CAMK1D: variants seen among roughly 807,000 people sequenced by gnomAD.
The protein encoded by CAMK1D is calcium/calmodulin dependent protein kinase ID.
CAMK1D carries 9 observed loss-of-function variants against 47.7 expected under a neutral mutation model. That is an observed-to-expected ratio of 0.19 (90% CI 0.11 to 0.33). The LOEUF (loss-of-function observed/expected upper bound fraction) is 0.33. Among genes scored for constraint, CAMK1D ranks in the 10% least tolerant of loss-of-function variants. The pLI is 1.00. For missense variants in CAMK1D, 291 were observed against 488.7 expected (o/e 0.60, Z 3.81); for synonymous variants, 184 against 184.9 (o/e 0.99, Z 0.04).
chr10:12,698,382 G>A (rs962546525), intron 3 of CAMK1D, among the ~76,000 whole-genome samples: 4 of 152,054 alleles, frequency 2.6e-5, no homozygotes, highest in Non-Finnish European at 4.4e-5. Flanking sequence ...TTATAACCTC[G>A]TTTTATATAT....
chr10:12,369,654 A>G (rs1208429424), intron 1 of CAMK1D, among the ~76,000 whole-genome samples: 2 of 152,224 alleles, frequency 1.3e-5, no homozygotes, highest in East Asian at 3.9e-4. Context: ...AGTTTTAATA[A>G]TATATTTAAA....
intron 1 of CAMK1D, among the ~76,000 whole-genome samples, chr10:12,524,641 A>G (rs1373173898): frequency 6.6e-6 from 1 of 152,082 alleles, no homozygotes; most frequent in Admixed American, 6.5e-5. Flanking sequence ...CAGGAGGCAG[A>G]GCTTGCAGTG....
intron 1 of CAMK1D, among the ~76,000 whole-genome samples, chr10:12,402,039 GT>G (rs1839245498): frequency 6.6e-6 from 1 of 151,924 alleles, no homozygotes; most frequent in South Asian, 2.1e-4. Context: ...GGAATTACAG[GT>G]GGGTGCAACC....
intron 4 of CAMK1D, 33 bp from the exon 5 acceptor site, chr10:12,769,640 G>A (rs1165834416): frequency 1.2e-6 from 2 of 1,611,856 alleles, no homozygotes; most frequent in Non-Finnish European, 1.7e-6. Context: ...TTTACACGTA[G>A]TTTGTAATGT....
chr10:12,576,724 G>A (rs577933909), intron 2 of CAMK1D, among the ~76,000 whole-genome samples: 3 of 152,308 alleles, frequency 2.0e-5, no homozygotes, highest in South Asian at 2.1e-4. Flanking sequence ...GAGCTCAGGC[G>A]GGAATGCTCA....
At chr10:12,411,332 G>A (rs1425472850) in intron 1 of CAMK1D, among the ~76,000 whole-genome samples, 3 of 152,144 alleles carry the variant, frequency 2.0e-5, no homozygotes, top group Non-Finnish European at 2.9e-5. Flanking sequence ...TCCACCATGC[G>A]GATCCACATT....
intron 3 of CAMK1D, among the ~76,000 whole-genome samples, chr10:12,719,913 C>T (rs1350388768): frequency 2.0e-5 from 3 of 152,158 alleles, no homozygotes; most frequent in East Asian, 1.9e-4. Flanking sequence ...CAATCCAGCT[C>T]GAGTTTTAGC....
chr10:12,755,984 C>T lies in CAMK1D; in HGVS notation c.300-4964C>T, dbSNP rs143259328. ...CTCTTCTCCACTCCCCTGGCCTTGTCGTAGGGCAGCCTTTGTGAATTTCAA... is the reference window on the plus strand; with the variant it reads ...CTCTTCTCCACTCCCCTGGCCTTGTTGTAGGGCAGCCTTTGTGAATTTCAA... On this transcript the variant is annotated intron_variant, in intron 3 of 10. Transcript: ENST00000619168. Among the ~76,000 whole-genome samples the T allele has an allele frequency of 2.6e-4, 39 of 152,280 alleles. No individual in the cohort carries two copies. The East Asian group carries it at 5.8e-3, about 23-fold the overall frequency.
intron 1 of CAMK1D, among the ~76,000 whole-genome samples, chr10:12,428,392 TTCTTTCTCACCAAA>T (rs1330470050): frequency 2.1e-4 from 32 of 152,326 alleles, no homozygotes; most frequent in African/African-American, 7.7e-4. Flanking sequence ...AGACTGTCTA[TTCTTTCTCACCAAA>T]ATTTCTTTTC....
At chr10:12,760,390 T>G (rs2065359) in intron 3 of CAMK1D, among the ~76,000 whole-genome samples, 53,780 of 152,060 alleles carry the variant, frequency 0.35, 10,632 homozygotes, top group Non-Finnish European at 0.45. Flanking sequence ...TCCGAAGGCA[T>G]GCTCCCACCC....
Position 12,805,367 on chromosome 10 carries a change from C to CT in CAMK1D, c.642-8808dup, listed in dbSNP as rs35851814. Among the ~76,000 whole-genome samples, 445 of 128,698 alleles carry CT rather than the reference C, an allele frequency of 3.5e-3. 1 individual carries two copies. The highest frequency in any genetic ancestry group is 0.023 in the Middle Eastern group (6 of 256). The allele number at this position is 128,698 out of a possible 152,430, so 84.4% of individuals were successfully genotyped here. A position where few individuals can be genotyped will look rare whatever the true frequency, so the allele number is the denominator to read the frequency against. ...AATAAGCCATAATATCTTTACATTTCTTTTTTTTTTTTTTTTTTTTAAACA... is the reference window on the plus strand; with the variant it reads ...AATAAGCCATAATATCTTTACATTTCTTTTTTTTTTTTTTTTTTTTTAAACA... On this transcript the variant is annotated intron_variant, in intron 6 of 10. Coordinates refer to ENST00000619168, the MANE Select transcript of CAMK1D (RefSeq NM_153498.4).
rs772425102 is a variant in CAMK1D at position 12,553,193 on chromosome 10, C to T, written c.93-32C>T. The T allele has an allele frequency of 5.0e-6, 8 of 1,613,176 alleles. No individual in the cohort carries two copies. In the South Asian group the frequency reaches 8.8e-5, roughly 18 times the overall value. Reference sequence around the variant, plus strand: ...CCATTGTGAAACTGGACTTCTGCATCTAAGTGTTCTTTTTTCCTTCTTTGT... The same window carrying T: ...CCATTGTGAAACTGGACTTCTGCATTTAAGTGTTCTTTTTTCCTTCTTTGT... On this transcript the variant is annotated intron_variant, in intron 1 of 10. Transcript: ENST00000619168.
intron 2 of CAMK1D, among the ~76,000 whole-genome samples, chr10:12,606,072 C>G (rs1005173435): frequency 6.6e-6 from 1 of 152,260 alleles, no homozygotes; most frequent in Non-Finnish European, 1.5e-5. Flanking sequence ...ACTGCAAGCC[C>G]CTTCCTCATG....
chr10:12,551,648 G>C (rs552396519), intron 1 of CAMK1D, among the ~76,000 whole-genome samples: 5 of 152,262 alleles, frequency 3.3e-5, no homozygotes, highest in Admixed American at 6.5e-5. Flanking sequence ...TGAGTCAGGA[G>C]AATCGCTTGA....
chr10:12,641,419 C>T (rs1202280834), intron 2 of CAMK1D, among the ~76,000 whole-genome samples: 2 of 152,056 alleles, frequency 1.3e-5, no homozygotes, highest in South Asian at 2.1e-4. Flanking sequence ...CCCAGGAATT[C>T]GAGACCACTC....
At chr10:12,513,081 G>A (rs747102983) in intron 1 of CAMK1D, among the ~76,000 whole-genome samples, 53 of 152,302 alleles carry the variant, frequency 3.5e-4, no homozygotes, top group Admixed American at 8.5e-4. Context: ...AAGGGGATCC[G>A]TCTTTGTCAT....
chr10:12,536,884 G>C (rs957527858), intron 1 of CAMK1D, among the ~76,000 whole-genome samples: 1 of 151,958 alleles, frequency 6.6e-6, no homozygotes, highest in Non-Finnish European at 1.5e-5. Flanking sequence ...GCTGAATGAC[G>C]GACTATCTAA....
At chr10:12,387,404 A>G (rs1421035312) in intron 1 of CAMK1D, among the ~76,000 whole-genome samples, 3 of 63,598 alleles carry the variant, frequency 4.7e-5, no homozygotes, top group Non-Finnish European at 6.8e-5. Flanking sequence ...ATATTTTTAT[A>G]TATTATATAT....
chr10:12,349,770 C>T lies in CAMK1D; in HGVS notation c.-49C>T, dbSNP rs1588711293. On this transcript the variant is annotated 5_prime_UTR_variant, in exon 1 of 11. Coordinates refer to ENST00000619168, the MANE Select transcript of CAMK1D (RefSeq NM_153498.4). ...GCGCCCGCGCCGCGCCCCCGGCGCC[C>T]CCTCCCCAGCGCGCCCCCGGCCGCT... is the stretch of plus-strand genomic sequence containing the variant. 3.1e-6 allele frequency: 3 copies of T among 963,284 alleles called. No homozygotes were observed. The highest frequency in any genetic ancestry group is 3.9e-6 in the Non-Finnish European group (3 of 761,504). The allele number at this position is 963,284 out of a possible 1,614,324, so 59.7% of individuals were successfully genotyped here.
Sources: allele counts gnomAD v4.1 joint callset (sites outside exome capture counted in the v4.1 genomes callset), GRCh38; gene constraint gnomAD v4.1.1; transcripts MANE v1.5; gene names NCBI Gene and HGNC (gene_info 2026-07-23, HGNC 2026-07-21).